ADCY5: variants seen among roughly 807,000 people sequenced by gnomAD.
ADCY5 encodes adenylate cyclase type 5.
A neutral mutation model predicts 119.7 loss-of-function variants in ADCY5; 30 were observed. The observed-to-expected ratio is 0.25, with a 90% confidence interval of 0.19 to 0.34. The LOEUF is 0.34. Ranked by LOEUF, ADCY5 falls within the 10% of genes least tolerant of loss-of-function variation. The pLI is 1.00. For missense variants in ADCY5, 1,324 were observed against 1,775.2 expected (o/e 0.75, Z 4.57); for synonymous variants, 753 against 762.2 (o/e 0.99, Z 0.20).
chr3:123,403,575 G>A (rs1389243765), intron 1 of ADCY5, among the ~76,000 whole-genome samples: 1 of 152,124 alleles, frequency 6.6e-6, no homozygotes, highest in African/African-American at 2.4e-5. Flanking sequence ...ATTGTTGAGT[G>A]AACAAGTGAG....
intron 1 of ADCY5, among the ~76,000 whole-genome samples, chr3:123,412,372 G>A (rs908378531): frequency 3.9e-5 from 6 of 152,260 alleles, no homozygotes; most frequent in East Asian, 3.9e-4. Context: ...ACGTCCCTGC[G>A]GGCTCTCCCC....
intron 1 of ADCY5, chr3:123,368,049 G>C: frequency 2.7e-6 from 4 of 1,460,240 alleles, no homozygotes; most frequent in Non-Finnish European, 3.6e-6. Context: ...GAGATTGCCT[G>C]GGGGAGAGAG....
At chr3:123,419,780 C>G (rs534572401) in intron 1 of ADCY5, among the ~76,000 whole-genome samples, 1 of 152,228 alleles carries the variant, frequency 6.6e-6, no homozygotes, top group Admixed American at 6.5e-5. Flanking sequence ...ATGAAACCTT[C>G]CCTGGGCTCT....
At chr3:123,382,644 T>C (rs1944068947) in intron 1 of ADCY5, among the ~76,000 whole-genome samples, 1 of 152,196 alleles carries the variant, frequency 6.6e-6, no homozygotes. Flanking sequence ...TCAAAAACAT[T>C]ATGCTAAGTG....
chr3:123,329,320 C>G (rs1941648805), intron 5 of ADCY5, among the ~76,000 whole-genome samples: 1 of 152,132 alleles, frequency 6.6e-6, no homozygotes, highest in Non-Finnish European at 1.5e-5. Flanking sequence ...AGGGTATGGC[C>G]TGCTCAGGAG....
chr3:123,398,182 G>A (rs1944656902), intron 1 of ADCY5, among the ~76,000 whole-genome samples: 1 of 152,154 alleles, frequency 6.6e-6, no homozygotes, highest in Non-Finnish European at 1.5e-5. Flanking sequence ...AGTACCTGGA[G>A]GTCAGGTCTC....
intron 1 of ADCY5, among the ~76,000 whole-genome samples, chr3:123,372,009 G>C (rs973558040): frequency 6.6e-6 from 1 of 152,144 alleles, no homozygotes; most frequent in Non-Finnish European, 1.5e-5. Flanking sequence ...CCTTCTGCTG[G>C]GCCATTATGC....
intron 10 of ADCY5, among the ~76,000 whole-genome samples, chr3:123,318,362 A>G (rs1339529679): frequency 2.6e-5 from 4 of 152,148 alleles, no homozygotes; most frequent in Admixed American, 2.0e-4. Flanking sequence ...CAGGTGGGTC[A>G]CCTTCAGAGT....
At chr3:123,414,267 C>T (rs191922088) in intron 1 of ADCY5, among the ~76,000 whole-genome samples, 99 of 152,368 alleles carry the variant, frequency 6.5e-4, no homozygotes, top group African/African-American at 2.3e-3. Flanking sequence ...CCTACTAGCT[C>T]ATCCCACACC....
chr3:123,332,242 C>T (rs1262434189), intron 4 of ADCY5, among the ~76,000 whole-genome samples: 2 of 152,180 alleles, frequency 1.3e-5, no homozygotes, highest in African/African-American at 4.8e-5. Context: ...CAGCTTATTC[C>T]CCTGGGGTTT....
At chr3:123,425,350 C>T (rs763147696) in intron 1 of ADCY5, among the ~76,000 whole-genome samples, 17 of 152,186 alleles carry the variant, frequency 1.1e-4, no homozygotes, top group Non-Finnish European at 2.2e-4. Flanking sequence ...CCAGATCCCT[C>T]GGGTGTCCCA....
At chr3:123,421,329 G>C (rs759182587) in intron 1 of ADCY5, among the ~76,000 whole-genome samples, 1 of 152,220 alleles carries the variant, frequency 6.6e-6, no homozygotes, top group Non-Finnish European at 1.5e-5. Flanking sequence ...AGAAAGCAGA[G>C]ACCCAGACAG....
At chr3:123,357,291 G>T (rs1336085353) in intron 1 of ADCY5, among the ~76,000 whole-genome samples, 2 of 152,034 alleles carry the variant, frequency 1.3e-5, no homozygotes, top group Non-Finnish European at 1.5e-5. Context: ...GAGAGAAAAT[G>T]TAAGCAGATG....
intron 15 of ADCY5, 47 bp downstream of exon 15, chr3:123,300,073 T>G (rs1475762362): frequency 6.3e-7 from 1 of 1,596,488 alleles, no homozygotes. Flanking sequence ...GCCACCTCCC[T>G]GCAATGTCTC....
chr3:123,430,803 T>C (rs745890259), intron 1 of ADCY5, among the ~76,000 whole-genome samples: 1 of 152,114 alleles, frequency 6.6e-6, no homozygotes, highest in Non-Finnish European at 1.5e-5. Flanking sequence ...TTGCCAACCT[T>C]TTCAGTCCTC....
chr3:123,358,177 T>G (rs1943108293), intron 1 of ADCY5, among the ~76,000 whole-genome samples: 4 of 79,826 alleles, frequency 5.0e-5, no homozygotes, highest in African/African-American at 1.5e-4. Flanking sequence ...TGTGTGTGTG[T>G]GTGTGTGTGT....
rs528802483 is a variant in ADCY5, at chr3:123,448,372, C to A, written c.174G>T (p.Gly58=). 1.3e-6 allele frequency: 2 copies of A among 1,485,682 alleles called. No homozygotes were observed. The highest frequency in any genetic ancestry group is 2.4e-5 in the Admixed American group (1 of 41,988). 92.0% of individuals were successfully genotyped at this position (1,485,682 alleles called of 1,614,324 possible). A position where few individuals can be genotyped will look rare whatever the true frequency, so the allele number is the denominator to read the frequency against. Residue 58 remains glycine (G), a synonymous_variant, in exon 1 of 21, where the codon GGG becomes GGT. Coordinates refer to ENST00000462833, the MANE Select transcript of ADCY5 (RefSeq NM_183357.3). The stretch of plus-strand genomic sequence containing the variant: ...GCTGCTGCTGCGGGGTCACCGCCCC[C>A]CCGGGTTTCTTGGTGGAGCCGCGGG... The part of the protein sequence containing the change: ...GSARGSTKKP[G]GAVTPQQQQR...
chr3:123,417,866 G>A (rs567721348), intron 1 of ADCY5, among the ~76,000 whole-genome samples: 1 of 152,284 alleles, frequency 6.6e-6, no homozygotes, highest in South Asian at 2.1e-4. Flanking sequence ...TGATATAAAT[G>A]AAGGCTCGTA....
intron 1 of ADCY5, among the ~76,000 whole-genome samples, chr3:123,386,719 C>G (rs994166034): frequency 4.5e-4 from 69 of 152,238 alleles, no homozygotes; most frequent in Non-Finnish European, 2.5e-4. Flanking sequence ...AGGAAACACC[C>G]CTGACCAGTC....
Sources: gnomAD v4.1 joint callset for allele counts (sites outside exome capture counted in the v4.1 genomes callset) on GRCh38, gnomAD v4.1.1 for gene constraint, MANE v1.5 for transcripts, NCBI Gene and HGNC (gene_info 2026-07-23, HGNC 2026-07-21) for gene names.